AGBL1: variants seen among roughly 807,000 people sequenced by gnomAD.
AGBL1 encodes cytosolic carboxypeptidase 4.
AGBL1 carries 130 observed loss-of-function variants against 118.9 expected under a neutral mutation model. That is an observed-to-expected ratio of 1.09 (90% CI 0.95 to 1.26). The LOEUF is 1.26. Ranked by LOEUF, AGBL1 falls within the 50% of genes most tolerant of loss-of-function variation. The pLI is 0.00. For missense variants in AGBL1, 1,584 were observed against 1,298.1 expected (o/e 1.22, Z -3.38); for synonymous variants, 555 against 478.9 (o/e 1.16, Z -2.08).
At chr15:86,477,802 T>G (rs1157015174) in intron 18 of AGBL1, among the ~76,000 whole-genome samples, 1 of 152,048 alleles carries the variant, frequency 6.6e-6, no homozygotes, top group South Asian at 2.1e-4. Flanking sequence ...TAGATCAATA[T>G]CCCTGATGAA....
At chr15:86,889,517 G>C (rs993852274) in intron 22 of AGBL1, among the ~76,000 whole-genome samples, 2 of 152,092 alleles carry the variant, frequency 1.3e-5, no homozygotes, top group African/African-American at 2.4e-5. Flanking sequence ...ACATCCATTA[G>C]CTATTCTTCC....
At chr15:86,949,933 A>C (rs887248833) in intron 23 of AGBL1, among the ~76,000 whole-genome samples, 1 of 152,114 alleles carries the variant, frequency 6.6e-6, no homozygotes, top group Non-Finnish European at 1.5e-5. Context: ...TTTCTAAGGA[A>C]TGATTGTATG....
chr15:86,391,006 C>A (rs953446122), intron 17 of AGBL1, among the ~76,000 whole-genome samples: 9 of 144,442 alleles, frequency 6.2e-5, no homozygotes, highest in Admixed American at 4.1e-4. Flanking sequence ...GAAAACGAAG[C>A]ACTATGGTGA....
At chr15:86,325,542 C>T (rs1205881214) in intron 17 of AGBL1, among the ~76,000 whole-genome samples, 4 of 152,138 alleles carry the variant, frequency 2.6e-5, no homozygotes, top group African/African-American at 7.2e-5. Flanking sequence ...CTAAAATACA[C>T]GATAGGGAAT....
At chr15:86,143,654 G>C in intron 2 of AGBL1, 45 bp from the exon 3 acceptor site, 7 of 1,600,956 alleles carry the variant, frequency 4.4e-6, no homozygotes, top group Non-Finnish European at 6.0e-6. Flanking sequence ...CAAGGAAAAT[G>C]GGGATTATTA....
At chr15:86,490,269 C>T (rs980489549) in intron 18 of AGBL1, among the ~76,000 whole-genome samples, 4 of 152,190 alleles carry the variant, frequency 2.6e-5, no homozygotes, top group South Asian at 2.1e-4. Flanking sequence ...AGTGTGTGCA[C>T]GCTGCCTTCA....
At chr15:86,105,545 C>G (rs1043313761) in intron 1 of AGBL1, among the ~76,000 whole-genome samples, 2 of 152,114 alleles carry the variant, frequency 1.3e-5, no homozygotes, top group African/African-American at 4.8e-5. Flanking sequence ...AATAAATAAA[C>G]AGTGATAAGA....
intron 21 of AGBL1, among the ~76,000 whole-genome samples, chr15:86,651,682 T>C (rs1023563290): frequency 4.6e-5 from 7 of 152,180 alleles, no homozygotes; most frequent in African/African-American, 1.7e-4. Context: ...CTTAGTTACA[T>C]GAAACTTCTT....
chr15:86,574,180 T>C (rs1294136045), intron 21 of AGBL1, among the ~76,000 whole-genome samples: 1 of 152,226 alleles, frequency 6.6e-6, no homozygotes, highest in Non-Finnish European at 1.5e-5. Context: ...TGTACATAGT[T>C]GAAAAGGAAG....
At chr15:86,765,121 A>G (rs113302359) in intron 22 of AGBL1, among the ~76,000 whole-genome samples, 164 of 152,104 alleles carry the variant, frequency 1.1e-3, no homozygotes, top group African/African-American at 3.8e-3. Flanking sequence ...GCAGATCCAT[A>G]AGGATTACAT....
intron 18 of AGBL1, among the ~76,000 whole-genome samples, chr15:86,518,046 C>A (rs2083143260): frequency 6.6e-6 from 1 of 152,178 alleles, no homozygotes; most frequent in Non-Finnish European, 1.5e-5. Flanking sequence ...GTGCTGCAGG[C>A]ACTAATATTA....
chr15:86,400,006 T>A (rs1329777427), intron 18 of AGBL1, among the ~76,000 whole-genome samples: 1 of 152,136 alleles, frequency 6.6e-6, no homozygotes, highest in Non-Finnish European at 1.5e-5. Context: ...TCGTAGCACA[T>A]CATTATGAAA....
At chr15:86,169,043 A>T (rs767759774) in intron 5 of AGBL1, among the ~76,000 whole-genome samples, 1 of 152,214 alleles carries the variant, frequency 6.6e-6, no homozygotes, top group Non-Finnish European at 1.5e-5. Context: ...TTCCTGAGAG[A>T]TAAGCCCTTA....
intron 7 of AGBL1, among the ~76,000 whole-genome samples, chr15:86,249,923 GTGAAGACTTCAGTTGCTCAA>G (rs2078783588): frequency 6.6e-6 from 1 of 152,194 alleles, no homozygotes; most frequent in South Asian, 2.1e-4. Context: ...TATCAGGTCA[GTGAAGACTTCAGTTGCTCAA>G]TTAAGCACAT....
chr15:86,135,112 T>C (rs2076872052), intron 1 of AGBL1, among the ~76,000 whole-genome samples: 1 of 152,132 alleles, frequency 6.6e-6, no homozygotes, highest in African/African-American at 2.4e-5. Context: ...AGATCCCCCA[T>C]GAATGGCTGA....
chr15:86,851,666 GATAA>G (rs1567206837), intron 22 of AGBL1, among the ~76,000 whole-genome samples: 1 of 152,174 alleles, frequency 6.6e-6, no homozygotes, highest in Non-Finnish European at 1.5e-5. Flanking sequence ...TAACTAGCTT[GATAA>G]ATAAAGAATC....
At chr15:86,290,688 T>A (rs960767848) in intron 16 of AGBL1, among the ~76,000 whole-genome samples, 15 of 151,898 alleles carry the variant, frequency 9.9e-5, no homozygotes, top group African/African-American at 3.6e-4. Flanking sequence ...TATTTATTTT[T>A]TTTATTTTAT....
intron 3 of AGBL1, among the ~76,000 whole-genome samples, chr15:86,151,540 C>A (rs2077110953): frequency 6.6e-6 from 1 of 152,066 alleles, no homozygotes; most frequent in Admixed American, 6.5e-5. Flanking sequence ...ATAATCAGAG[C>A]TATTTATGAC....
chr15:86,837,158 C>A (rs1245360779), intron 22 of AGBL1, among the ~76,000 whole-genome samples: 1 of 151,862 alleles, frequency 6.6e-6, no homozygotes, highest in Non-Finnish European at 1.5e-5. Context: ...ACTTCAGGAT[C>A]CCTGCATATA....
Sources: allele counts gnomAD v4.1 joint callset (sites outside exome capture counted in the v4.1 genomes callset), GRCh38; gene constraint gnomAD v4.1.1; transcripts MANE v1.5; gene names NCBI Gene and HGNC (gene_info 2026-07-23, HGNC 2026-07-21).